Variants in SOX5 observed in about 807,000 individuals in gnomAD.
The protein encoded by SOX5 is SRY-box transcription factor 5, also known as transcription factor SOX-5.
SOX5 carries 9 observed loss-of-function variants against 92.0 expected under a neutral mutation model. That is an observed-to-expected ratio of 0.10 (90% CI 0.06 to 0.17). The LOEUF (loss-of-function observed/expected upper bound fraction) is 0.17, where lower values mean the gene tolerates loss of function less well. Among genes scored for constraint, SOX5 ranks in the 10% least tolerant of loss-of-function variants. SOX5 has a pLI of 1.00. For synonymous variants in SOX5, 344 were observed against 336.3 expected (o/e 1.02, Z -0.25); for missense variants, 642 against 944.5 (o/e 0.68, Z 4.20).
intron 1 of SOX5, among the ~76,000 whole-genome samples, chr12:23,904,685 G>A (rs936271511): frequency 6.6e-6 from 1 of 152,044 alleles, no homozygotes; most frequent in Non-Finnish European, 1.5e-5. Context: ...CAAAAATGTG[G>A]TCACCAACAA....
intron 1 of SOX5, among the ~76,000 whole-genome samples, chr12:24,537,342 G>A (rs944228712): frequency 1.3e-5 from 2 of 152,154 alleles, no homozygotes; most frequent in African/African-American, 4.8e-5. Context: ...GTTTTTAGCT[G>A]AGTATCTAAA....
At chr12:23,758,820 A>C (rs2094480055) in intron 3 of SOX5, among the ~76,000 whole-genome samples, 2 of 151,924 alleles carry the variant, frequency 1.3e-5, no homozygotes, top group Non-Finnish European at 2.9e-5. Flanking sequence ...TTCAGGGTAC[A>C]AGTTCCATCT....
upstream of SOX5, among the ~76,000 whole-genome samples, chr12:23,952,444 C>A (rs1009461742): frequency 6.6e-6 from 1 of 152,128 alleles, no homozygotes; most frequent in Non-Finnish European, 1.5e-5. Context: ...AAAAGATACT[C>A]ATATTAGAAT....
At chr12:23,918,562 C>T (rs536441062) in intron 1 of SOX5, among the ~76,000 whole-genome samples, 2 of 152,278 alleles carry the variant, frequency 1.3e-5, no homozygotes, top group East Asian at 3.9e-4. Flanking sequence ...TTGGCATATA[C>T]TAGAGTTCTG....
chr12:24,200,133 T>C (rs1046714451), intron 4 of SOX5, among the ~76,000 whole-genome samples: 2 of 152,216 alleles, frequency 1.3e-5, no homozygotes, highest in Non-Finnish European at 2.9e-5. Context: ...TAATCTCATA[T>C]GTGTCATAAG....
intron 4 of SOX5, among the ~76,000 whole-genome samples, chr12:23,956,106 A>G (rs956072262): frequency 2.6e-5 from 4 of 152,108 alleles, no homozygotes; most frequent in Non-Finnish European, 4.4e-5. Flanking sequence ...TGTTTGAAAA[A>G]TTTCCTTCAT....
At chr12:24,148,051 CA>C (rs1951254115) in intron 4 of SOX5, among the ~76,000 whole-genome samples, 1 of 152,088 alleles carries the variant, frequency 6.6e-6, no homozygotes, top group South Asian at 2.1e-4. Flanking sequence ...TAGAAACTGA[CA>C]AATTCATTCT....
chr12:23,588,824 A>G (rs1366701555), intron 9 of SOX5, among the ~76,000 whole-genome samples: 1 of 151,970 alleles, frequency 6.6e-6, no homozygotes, highest in African/African-American at 2.4e-5. Flanking sequence ...TGGACTGCCT[A>G]TATGACAGTG....
In SOX5 at chr12:23,541,153, A is replaced by G. The variant is rs1480381459; in HGVS notation, c.1771+2058T>C. ...TGGTCATTCTAATATTCTTTCCCTC[A>G]AATCAGAAGGGAATTCTCATAGCCA... is the stretch of plus-strand genomic sequence containing the variant. On this transcript the variant is annotated intron_variant, in intron 13 of 14. Coordinates refer to ENST00000451604, the MANE Select transcript of SOX5 (RefSeq NM_006940.6). 2.0e-5 allele frequency among the ~76,000 whole-genome samples: 3 copies of G among 152,190 alleles called. No homozygotes were observed. In the East Asian group the frequency reaches 5.8e-4, roughly 29 times the overall value.
Position 23,970,825 on chromosome 12 carries a change from T to TA in SOX5, c.-1-74802_-1-74801insT, listed in dbSNP as rs1491181900. On this transcript the variant is annotated intron_variant, in intron 4 of 4. Coordinates refer to the SOX5 transcript ENST00000446891. ...GTGGAATTGCTAGGTCACATGGGAC[T>TA]TTATATATATATATAATTTTTTTTT... Among the ~76,000 whole-genome samples, 44 of 18,130 alleles carry TA rather than the reference T, an allele frequency of 2.4e-3. 3 individuals carry two copies. The highest frequency in any genetic ancestry group is 7.6e-3 in the East Asian group (4 of 524). 11.9% of individuals were successfully genotyped at this position (18,130 alleles called of 152,430 possible). A position where few individuals can be genotyped will look rare whatever the true frequency, so the allele number is the denominator to read the frequency against.
chr12:23,918,934 A>G (rs1234247486), intron 1 of SOX5, among the ~76,000 whole-genome samples: 1 of 150,342 alleles, frequency 6.7e-6, no homozygotes, highest in African/African-American at 2.4e-5. Flanking sequence ...AGAAAAAAAA[A>G]GAAAGAAAGA....
intron 2 of SOX5, among the ~76,000 whole-genome samples, chr12:24,287,098 G>A (rs1270084470): frequency 2.0e-5 from 3 of 152,174 alleles, no homozygotes; most frequent in Non-Finnish European, 1.5e-5. Flanking sequence ...AGGTGGATAT[G>A]TTCACTTCAG....
At chr12:23,753,291 G>C (rs2141199516) in intron 4 of SOX5, among the ~76,000 whole-genome samples, 1 of 151,668 alleles carries the variant, frequency 6.6e-6, no homozygotes, top group South Asian at 2.1e-4. Context: ...CTTAAAAACA[G>C]AGCTCACTTC....
chr12:23,979,723 T>TTTTTTTTTTTTTTTTTTTTTTTTTTTC lies in SOX5; in HGVS notation c.-1-83700_-1-83699insGAAAAAAAAAAAAAAAAAAAAAAAAAA. On this transcript the variant is annotated intron_variant, in intron 4 of 4. Coordinates refer to the SOX5 transcript ENST00000446891. The stretch of plus-strand genomic sequence containing the variant: ...GTTTTTTTTGTTTTTTTTTTTTTTT[T>TTTTTTTTTTTTTTTTTTTTTTTTTTTC]TTTTTTTTTTTGGAGACAGGGCCTT... Among the ~76,000 whole-genome samples, 2 of 119,102 alleles carry TTTTTTTTTTTTTTTTTTTTTTTTTTTC rather than the reference T, an allele frequency of 1.7e-5. 1 individual carries two copies. Among genetic ancestry groups the TTTTTTTTTTTTTTTTTTTTTTTTTTTC allele is most frequent in the Non-Finnish European group, 3.5e-5 (2 of 57,178 alleles). 78.1% of individuals were successfully genotyped at this position (119,102 alleles called of 152,430 possible).
chr12:23,630,572 T>C (rs932434946), intron 8 of SOX5, among the ~76,000 whole-genome samples: 1 of 152,046 alleles, frequency 6.6e-6, no homozygotes, highest in African/African-American at 2.4e-5. Context: ...CTAATAACAA[T>C]TATTAATCAG....
chr12:23,699,551 AT>A (rs1219223657), intron 6 of SOX5, among the ~76,000 whole-genome samples: 1 of 152,048 alleles, frequency 6.6e-6, no homozygotes, highest in African/African-American at 2.4e-5. Flanking sequence ...TTTCCTTAGC[AT>A]TCTATGCATA....
intron 3 of SOX5, among the ~76,000 whole-genome samples, chr12:24,239,536 A>G (rs1965168323): frequency 6.6e-6 from 1 of 152,220 alleles, no homozygotes. Context: ...TTAAAGGCAG[A>G]GGTGTCTCTT....
intron 1 of SOX5, among the ~76,000 whole-genome samples, chr12:24,415,778 A>T (rs1964919261): frequency 6.6e-6 from 1 of 152,228 alleles, no homozygotes; most frequent in Non-Finnish European, 1.5e-5. Flanking sequence ...TCCGTAACGT[A>T]CTTTGTTAGA....
intron 4 of SOX5, among the ~76,000 whole-genome samples, chr12:24,185,921 T>C (rs1955971282): frequency 6.6e-6 from 1 of 152,144 alleles, no homozygotes; most frequent in African/African-American, 2.4e-5. Context: ...TTATAGGAGA[T>C]GAACTCTGGC....
Sources: allele counts gnomAD v4.1 joint callset (sites outside exome capture counted in the v4.1 genomes callset), GRCh38; gene constraint gnomAD v4.1.1; transcripts MANE v1.5; gene names NCBI Gene and HGNC (gene_info 2026-07-23, HGNC 2026-07-21).